The following TEX264 variants were observed in gnomAD, a reference collection of about 807,000 sequenced individuals.
TEX264 encodes the protein testis-expressed protein 264.
In TEX264, 13 loss-of-function variants were observed where a neutral mutation model predicts 23.4. That is an observed-to-expected ratio of 0.56 (90% CI 0.36 to 0.88). The LOEUF is 0.88. Among genes scored for constraint, TEX264 ranks in the 40% least tolerant of loss-of-function variants. TEX264 has a pLI of 0.01. For missense variants in TEX264, 340 were observed against 406.8 expected, an observed-to-expected ratio of 0.84 and a Z score of 1.41; for synonymous variants, 159 against 170.0, an observed-to-expected ratio of 0.94 and a Z score of 0.50.
intron 3 of TEX264, among the ~76,000 whole-genome samples, chr3:51,694,085 G>GTCCGTCCGTCCT (rs1407573549): frequency 1.2e-5 from 1 of 85,256 alleles, no homozygotes; most frequent in Non-Finnish European, 2.4e-5. Flanking sequence ...CCTTCCGTCC[G>GTCCGTCCGTCCT]TCCTTCCTTC....
chr3:51,699,448 G>C lies in TEX264; in HGVS notation c.523G>C (p.Glu175Gln). 1 of 1,614,142 alleles carries C rather than the reference G, an allele frequency of 6.2e-7. No individual in the cohort carries two copies. The highest frequency in any genetic ancestry group is 1.1e-5 in the South Asian group (1 of 91,084). ...CTATCCTCGGCTGGAGATCTACCAGGAAGACCAGATCCATTTCATGTGCCC... is the reference window on the plus strand; with the variant it reads ...CTATCCTCGGCTGGAGATCTACCAGCAAGACCAGATCCATTTCATGTGCCC... ...CAYPRLEIYQEDQIHFMCPLA... is the reference protein window; with the variant it reads ...CAYPRLEIYQQDQIHFMCPLA... Residue 175 changes from glutamate (E) to glutamine (Q), a missense_variant, in exon 4 of 5, where the codon GAA becomes CAA. Glu to Gln is a conservative substitution (Grantham distance 29). Coordinates refer to ENST00000341333, the MANE Select transcript of TEX264 (RefSeq NM_015926.6).
intron 2 of TEX264, chr3:51,683,353 T>A (rs765855775): frequency 2.6e-5 from 4 of 152,260 alleles, no homozygotes; most frequent in Non-Finnish European, 5.9e-5. Flanking sequence ...AAGTGAGGCC[T>A]CTTGATGCCA....
At chr3:51,694,038 CCTTCCTT>C (rs1559680603) in intron 3 of TEX264, among the ~76,000 whole-genome samples, 103 of 137,918 alleles carry the variant, frequency 7.5e-4, no homozygotes, top group African/African-American at 1.8e-3. Flanking sequence ...TTCCTTCCTT[CCTTCCTT>C]CCTCCCTTCC....
At chr3:51,690,440 G>A (rs1008745187) in intron 3 of TEX264, among the ~76,000 whole-genome samples, 2 of 151,884 alleles carry the variant, frequency 1.3e-5, no homozygotes, top group African/African-American at 2.4e-5. Flanking sequence ...GCTGAGGCAC[G>A]AGAATTGCTT....
rs544149480 is a variant in TEX264, at chr3:51,696,249, A to G, written c.481-3157A>G. Among the ~76,000 whole-genome samples the G allele has an allele frequency of 2.6e-5, 4 of 152,062 alleles. No individual in the cohort carries two copies. In the East Asian group the frequency reaches 7.8e-4, roughly 29 times the overall value. ...CTGGCTGTCTGGGCTGTGGAAGGGG[A>G]TGTGCCAGGGCTAGGAGGACCCCAG... On this transcript the variant is annotated intron_variant, in intron 3 of 4. Coordinates refer to ENST00000341333, the MANE Select transcript of TEX264 (RefSeq NM_015926.6).
In TEX264 at chr3:51,700,672, C is replaced by G. The variant is rs534322653; in HGVS notation, c.649+1098C>G. Among the ~76,000 whole-genome samples the G allele has an allele frequency of 5.9e-5, 9 of 152,104 alleles. No individual in the cohort carries two copies. In the East Asian group the frequency reaches 1.7e-3, roughly 29 times the overall value. ...GACCTCCCTCTGCTGCCTGCCTCCC[C>G]CTCCTTGACCCACCCACCCAGCTTC... is the stretch of plus-strand genomic sequence containing the variant. On this transcript the variant is annotated intron_variant, in intron 4 of 4. Coordinates refer to ENST00000341333, the MANE Select transcript of TEX264 (RefSeq NM_015926.6).
intron 2 of TEX264, chr3:51,683,159 T>G (rs1192801933): frequency 6.6e-6 from 1 of 152,556 alleles, no homozygotes; most frequent in Non-Finnish European, 1.5e-5. Context: ...AAAAAAATTT[T>G]TTTGCGGTGG....
chr3:51,692,423 C>T (rs1189162794), intron 3 of TEX264, among the ~76,000 whole-genome samples: 1 of 152,126 alleles, frequency 6.6e-6, no homozygotes, highest in African/African-American at 2.4e-5. Context: ...AAGGAAAGGA[C>T]TTCACTGAGG....
intron 3 of TEX264, among the ~76,000 whole-genome samples, chr3:51,689,921 G>C (rs1489556078): frequency 6.6e-6 from 1 of 152,210 alleles, no homozygotes; most frequent in African/African-American, 2.4e-5. Flanking sequence ...GGGAGCTGCA[G>C]GTTGGAGTTC....
Position 51,674,527 on chromosome 3 carries a change from C to T in TEX264, c.223C>T (p.Arg75Cys), listed in dbSNP as rs760622582. 26 of 1,614,006 alleles carry T rather than the reference C, an allele frequency of 1.6e-5. No individual in the cohort carries two copies. Among genetic ancestry groups the T allele is most frequent in the African/African-American group, 9.3e-5 (7 of 74,900 alleles). Residue 75 changes from arginine (R) to cysteine (C), a missense_variant, in exon 2 of 5, where the codon CGC becomes TGC. Physicochemically the swap from Arg to Cys is radical, Grantham distance 180 (BLOSUM62 -3). Transcript: ENST00000341333. The part of the protein sequence containing the change: ...TESCSISPKL[R>C]SIAVYYDNPH... ...GAGCTGCAGCATCTCTCCCAAGCTC[C>T]GCTCCATCGCTGTCTACTATGACAA...
In TEX264 at chr3:51,691,551, G is replaced by A. The variant is rs1702828851; in HGVS notation, c.480+6917G>A. Among the ~76,000 whole-genome samples the A allele has an allele frequency of 6.6e-6, 1 of 152,334 alleles. No homozygotes were observed. Among genetic ancestry groups the A allele is most frequent in the South Asian group, 2.1e-4 (1 of 4,824 alleles). ...GCATTTGGGCTGCACCTATAAGGTA[G>A]GCAGTGTTCCCCAGGTGGGAAGGCA... On this transcript the variant is annotated intron_variant, in intron 3 of 4. Transcript: ENST00000341333. The surrounding 1 kb of genome is among the most constrained non-coding windows in gnomAD (Gnocchi z 4.4).
chr3:51,699,704 G>T, intron 4 of TEX264, 130 bp downstream of exon 4: 1 of 1,088,316 alleles, frequency 9.2e-7, no homozygotes, highest in Non-Finnish European at 1.3e-6. Context: ...TTGGCAGAGG[G>T]AGGAAGGAGA....
rs535210784 is a variant in TEX264 at position 51,696,871 on chromosome 3, C to T, written c.481-2535C>T. 3.3e-5 allele frequency among the ~76,000 whole-genome samples: 5 copies of T among 152,306 alleles called. No homozygotes were observed. The South Asian group carries it at 1.0e-3, about 32-fold the overall frequency. On this transcript the variant is annotated intron_variant, in intron 3 of 4. Transcript: ENST00000341333. ...CCATGCCTCCCTCCAGTAGGGAGGA[C>T]CAGGGCCCCCAGGTAACAGCAGGTA...
At chr3:51,697,133 C>T (rs1053448984) in intron 3 of TEX264, among the ~76,000 whole-genome samples, 10 of 152,230 alleles carry the variant, frequency 6.6e-5, no homozygotes, top group African/African-American at 1.7e-4. Context: ...TCCATGGCAA[C>T]GGGGCTGTCC....
rs997229292 is a variant in TEX264, at chr3:51,704,320, T to G, written c.*304T>G. On this transcript the variant is annotated 3_prime_UTR_variant, in exon 5 of 5. Transcript: ENST00000341333. ...AAGCCAATGATTTACTTGTTTCACC[T>G]GGATTTGGGTTGTGTATTTGTTTGT... is the stretch of plus-strand genomic sequence containing the variant. The G allele has an allele frequency of 7.6e-6, 2 of 263,446 alleles. No homozygotes were observed. The highest frequency in any genetic ancestry group is 1.4e-5 in the Non-Finnish European group (2 of 140,478). The allele number at this position is 263,446 out of a possible 1,614,324, so 16.3% of individuals were successfully genotyped here. A position where few individuals can be genotyped will look rare whatever the true frequency, so the allele number is the denominator to read the frequency against.
chr3:51,684,214 C>A, intron 2 of TEX264, 199 bp from the exon 3 acceptor site: 1 of 596,086 alleles, frequency 1.7e-6, no homozygotes, highest in Non-Finnish European at 3.0e-6. Context: ...GATGAGAGTC[C>A]TGTGGTACGA....
chr3:51,674,520 C>T lies in TEX264; in HGVS notation c.216C>T (p.Pro72=). ...RLFTESCSIS[P]KLRSIAVYYD... Reference sequence around the variant, plus strand: ...TCACTGAGAGCTGCAGCATCTCTCCCAAGCTCCGCTCCATCGCTGTCTACT... The same window carrying T: ...TCACTGAGAGCTGCAGCATCTCTCCTAAGCTCCGCTCCATCGCTGTCTACT... Residue 72 remains proline, a synonymous_variant, in exon 2 of 5, where the codon CCC becomes CCT. Transcript: ENST00000341333. 6.2e-7 allele frequency: 1 copy of T among 1,614,168 alleles called. No homozygotes were observed. Among genetic ancestry groups the T allele is most frequent in the Non-Finnish European group, 8.5e-7 (1 of 1,180,034 alleles).
chr3:51,694,053 T>TC (rs1559680709), intron 3 of TEX264, among the ~76,000 whole-genome samples: 7 of 122,104 alleles, frequency 5.7e-5, no homozygotes, highest in Non-Finnish European at 8.6e-5. Context: ...CTTCCTCCCT[T>TC]CCCTTCCCTT....
At chr3:51,693,968 ATCTAT>A (rs1488634398) in intron 3 of TEX264, among the ~76,000 whole-genome samples, 2 of 151,224 alleles carry the variant, frequency 1.3e-5, no homozygotes, top group Non-Finnish European at 3.0e-5. Context: ...TTTTGAGATC[ATCTAT>A]TCTAATCCCT....
Sources: allele counts gnomAD v4.1 joint callset (sites outside exome capture counted in the v4.1 genomes callset), GRCh38; gene constraint gnomAD v4.1.1; non-coding constraint Gnocchi (gnomAD v3.1); transcripts MANE v1.5; gene names NCBI Gene and HGNC (gene_info 2026-07-23, HGNC 2026-07-21).